Variants in IMPG1 observed in about 807,000 individuals in gnomAD.
IMPG1 encodes interphotoreceptor matrix proteoglycan of 150 kDa.
A neutral mutation model predicts 92.0 loss-of-function variants in IMPG1; 85 were observed. The observed-to-expected ratio is 0.92, with a 90% CI of 0.78 to 1.11. The LOEUF (loss-of-function observed/expected upper bound fraction) is 1.11. Ranked by LOEUF, IMPG1 falls within the 50% of genes least tolerant of loss-of-function variation. The probability of loss-of-function intolerance (pLI) is 0.00; values close to 1 mark genes in which losing one functional copy is unlikely to be tolerated. For missense variants in IMPG1, 1,022 were observed against 956.0 expected (o/e 1.07, Z -0.91); for synonymous variants, 367 against 334.1 (o/e 1.10, Z -1.08).
chr6:76,005,272 C>A lies in IMPG1; in HGVS notation c.1135+15G>T, dbSNP rs1783073917. 1 of 1,611,748 alleles carries A rather than the reference C, an allele frequency of 6.2e-7. No homozygotes were observed. The highest frequency in any genetic ancestry group is 1.3e-5 in the African/African-American group (1 of 74,836). ...AAATGAGAATAAACTCAGAACTAAG[C>A]AATCATTAACTGACCATCAGTGAAC... On this transcript the variant is annotated intron_variant, in intron 10 of 16. Transcript: ENST00000369950.
At chr6:76,034,048 C>T (rs1783694286) in intron 4 of IMPG1, among the ~76,000 whole-genome samples, 1 of 152,164 alleles carries the variant, frequency 6.6e-6, no homozygotes, top group Non-Finnish European at 1.5e-5. Context: ...TGAAGGTGCA[C>T]ATTAGATACA....
intron 14 of IMPG1, chr6:75,935,197 G>C (rs1359849135): frequency 2.7e-6 from 1 of 368,144 alleles, no homozygotes; most frequent in African/African-American, 2.1e-5. Context: ...CTTGCGCGTT[G>C]GTGGAGGGAA....
chr6:76,054,224 T>C (rs766323727), intron 1 of IMPG1, among the ~76,000 whole-genome samples: 10 of 152,150 alleles, frequency 6.6e-5, no homozygotes, highest in Admixed American at 2.6e-4. Flanking sequence ...AAATAGATGT[T>C]ACTGTTTTGC....
intron 16 of IMPG1, 72 bp downstream of exon 16, chr6:75,923,562 A>C: frequency 1.3e-6 from 1 of 740,788 alleles, no homozygotes; most frequent in South Asian, 1.5e-5. Context: ...AATAAGAGGG[A>C]CATAAATGTT....
intron 1 of IMPG1, among the ~76,000 whole-genome samples, chr6:76,069,123 A>C (rs1264970052): frequency 1.3e-5 from 2 of 152,186 alleles, no homozygotes; most frequent in Non-Finnish European, 1.5e-5. Flanking sequence ...ACACTGGGGA[A>C]AGAAGACACT....
intron 7 of IMPG1, among the ~76,000 whole-genome samples, 195 bp downstream of exon 7, chr6:76,018,523 C>G (rs764845360): frequency 8.5e-5 from 13 of 152,170 alleles, no homozygotes; most frequent in African/African-American, 1.2e-4. Context: ...AATAGAAAGG[C>G]TGGAATGAAA....
At chr6:76,051,631 C>T (rs778439632) in intron 1 of IMPG1, among the ~76,000 whole-genome samples, 1 of 152,144 alleles carries the variant, frequency 6.6e-6, no homozygotes, top group Non-Finnish European at 1.5e-5. Context: ...AATCAGCATG[C>T]ATGCTGATTA....
chr6:75,994,718 G>C (rs990173847), intron 12 of IMPG1, among the ~76,000 whole-genome samples: 1 of 152,142 alleles, frequency 6.6e-6, no homozygotes, highest in Non-Finnish European at 1.5e-5. Context: ...CTCTGGGTGG[G>C]TCCCTCCCAT....
chr6:75,932,047 A>G (rs1781676795), intron 14 of IMPG1, among the ~76,000 whole-genome samples: 1 of 152,368 alleles, frequency 6.6e-6, no homozygotes, highest in Admixed American at 6.5e-5. Context: ...CTGTTCAACC[A>G]TATCAGCCAT....
intron 12 of IMPG1, among the ~76,000 whole-genome samples, chr6:76,000,089 A>G (rs1188013169): frequency 6.6e-6 from 1 of 152,202 alleles, no homozygotes; most frequent in East Asian, 1.9e-4. Context: ...CTCCTAAGCA[A>G]TTACCATGCT....
intron 6 of IMPG1, among the ~76,000 whole-genome samples, chr6:76,019,794 G>A (rs762062534): frequency 6.6e-6 from 1 of 152,162 alleles, no homozygotes; most frequent in Non-Finnish European, 1.5e-5. Flanking sequence ...ATTTTGTTAG[G>A]CAAATTGGAA....
intron 10 of IMPG1, among the ~76,000 whole-genome samples, chr6:76,004,796 C>T (rs147933347): frequency 7.0e-4 from 107 of 152,314 alleles, no homozygotes; most frequent in African/African-American, 2.4e-3. Context: ...CACTTCAAGT[C>T]TGGAGATAGT....
At chr6:76,023,853 C>T (rs1280596008) in intron 5 of IMPG1, among the ~76,000 whole-genome samples, 3 of 152,184 alleles carry the variant, frequency 2.0e-5, no homozygotes, top group African/African-American at 7.2e-5. Flanking sequence ...AGCTAAAGTA[C>T]ATTACCTTCA....
At chr6:76,036,458 A>C (rs571504799) in intron 2 of IMPG1, among the ~76,000 whole-genome samples, 7 of 152,350 alleles carry the variant, frequency 4.6e-5, no homozygotes, top group Non-Finnish European at 7.3e-5. Context: ...ATAAAAACTA[A>C]AACTATATGT....
intron 14 of IMPG1, among the ~76,000 whole-genome samples, chr6:75,940,915 C>G (rs1479320376): frequency 6.6e-6 from 1 of 152,186 alleles, no homozygotes; most frequent in Admixed American, 6.5e-5. Context: ...CATCATACAC[C>G]AAGACCCAGC....
At chr6:76,009,563 G>C (rs1234536717) in intron 8 of IMPG1, among the ~76,000 whole-genome samples, 1 of 152,148 alleles carries the variant, frequency 6.6e-6, no homozygotes, top group South Asian at 2.1e-4. Flanking sequence ...ATTATTTATT[G>C]TATTCAAGGG....
intron 7 of IMPG1, among the ~76,000 whole-genome samples, chr6:76,011,609 A>G (rs191535613): frequency 2.0e-5 from 3 of 151,882 alleles, no homozygotes; most frequent in Admixed American, 2.0e-4. Context: ...TTACACTTTA[A>G]GTTTTAGGGT....
intron 7 of IMPG1, among the ~76,000 whole-genome samples, chr6:76,013,886 T>A (rs1329285861): frequency 6.6e-6 from 1 of 152,228 alleles, no homozygotes; most frequent in Non-Finnish European, 1.5e-5. Context: ...TAGACTGCAT[T>A]ACAAATTTTT....
intron 1 of IMPG1, among the ~76,000 whole-genome samples, chr6:76,050,022 G>A (rs975896971): frequency 1.3e-5 from 2 of 152,098 alleles, no homozygotes; most frequent in Admixed American, 6.5e-5. Flanking sequence ...GGAAATTAAA[G>A]GAACAACCAC....
Sources: gnomAD v4.1 joint callset for allele counts (sites outside exome capture counted in the v4.1 genomes callset) on GRCh38, gnomAD v4.1.1 for gene constraint, MANE v1.5 for transcripts, NCBI Gene and HGNC (gene_info 2026-07-23, HGNC 2026-07-21) for gene names.